Variants in ROBO4 observed in about 807,000 individuals in gnomAD.
The protein encoded by ROBO4 is roundabout homolog 4.
Under a neutral mutation model 103.3 loss-of-function variants are expected in ROBO4, and 80 were observed. That is an observed-to-expected ratio of 0.77 (90% CI 0.65 to 0.93). The LOEUF is 0.93. ROBO4 is among the 40% of genes least tolerant of loss of function. ROBO4 has a pLI of 0.00. For synonymous variants in ROBO4, 504 were observed against 529.7 expected, an observed-to-expected ratio of 0.95 and a Z score of 0.67; for missense variants, 1,333 against 1,305.3, an observed-to-expected ratio of 1.02 and a Z score of -0.33.
At chr11:124,891,611 C>T (rs2135372813) in intron 11 of ROBO4, 49 bp from the exon 12 acceptor site, 2 of 1,614,210 alleles carry the variant, frequency 1.2e-6, no homozygotes, top group East Asian at 4.5e-5. Context: ...TCCTGCTTTC[C>T]ATCCCTGAGA....
At chr11:124,885,886 C>T (rs1350254927) in intron 16 of ROBO4, among the ~76,000 whole-genome samples, 1 of 152,078 alleles carries the variant, frequency 6.6e-6, no homozygotes, top group African/African-American at 2.4e-5. Flanking sequence ...CAGTTGGCTG[C>T]CTTTAGAACT....
At chr11:124,887,889 AC>A in intron 12 of ROBO4, 49 bp from the exon 13 acceptor site, 2 of 1,465,590 alleles carry the variant, frequency 1.4e-6, no homozygotes, top group Non-Finnish European at 1.9e-6. Context: ...GACTTTTCAG[AC>A]CCCAGCTGCT....
At position 124,887,394 on chromosome 11, in the gene ROBO4, G is replaced by A. The variant is rs775011073; in HGVS notation, c.2162C>T (p.Pro721Leu). 9 of 1,613,938 alleles carry A rather than the reference G, an allele frequency of 5.6e-6. No individual in the cohort carries two copies. In the African/African-American group the frequency reaches 1.1e-4, roughly 19 times the overall value. The change falls in exon 14 of 18, where the codon CCT becomes CTT. Residue 721 changes from proline (P) to leucine (L), a missense_variant. Coordinates refer to ENST00000306534, the MANE Select transcript of ROBO4 (RefSeq NM_019055.6). ...TRHLPPAPLF[P>L]HETPPTQSQQ... ...ACTCTGAGTTGGGGGAGTTTCATGA[G>A]GAAAGAGGGGTGCTGGAGGGAGATG... is the stretch of plus-strand genomic sequence containing the variant.
chr11:124,891,978 A>C (rs1448257331), intron 10 of ROBO4, 176 bp from the exon 11 acceptor site: 1 of 780,044 alleles, frequency 1.3e-6, no homozygotes, highest in East Asian at 2.7e-5. Context: ...TGGTCCCCTA[A>C]ACCCAGCACC....
At position 124,886,539 on chromosome 11, in the gene ROBO4, C is replaced by T; in HGVS notation, c.2719G>A (p.Ala907Thr). The T allele has an allele frequency of 6.2e-7, 1 of 1,614,204 alleles. No homozygotes were observed. Among genetic ancestry groups the T allele is most frequent in the Non-Finnish European group, 8.5e-7 (1 of 1,180,040 alleles). The change falls in exon 16 of 18, where the codon GCC becomes ACC. Residue 907 changes from alanine (A) to threonine (T), a missense_variant. Transcript: ENST00000306534. ...TCCACAGCCACTGCCAGGGCCCGGG[C>T]AAAGTGAGCATCAGCGAGGAAGGAG... The part of the protein sequence containing the change: ...DGSFLADAHF[A>T]RALAVAVDSF...
intron 12 of ROBO4, 56 bp downstream of exon 12, chr11:124,891,243 C>T: frequency 1.3e-6 from 2 of 1,495,346 alleles, no homozygotes; most frequent in Non-Finnish European, 1.8e-6. Context: ...ATCACATTCC[C>T]ATTCCTGGGC....
At chr11:124,896,693 C>T in intron 2 of ROBO4, 23 bp from the exon 3 acceptor site, 3 of 1,611,692 alleles carry the variant, frequency 1.9e-6, no homozygotes, top group Non-Finnish European at 2.5e-6. Flanking sequence ...TGGAAGGTGA[C>T]ACGGAGCAGG....
intron 10 of ROBO4, chr11:124,892,406 G>T (rs1946814237): frequency 1.7e-5 from 4 of 235,334 alleles, no homozygotes; most frequent in Non-Finnish European, 3.4e-5. Context: ...TAGAGCCCAG[G>T]TACCTAGCAT....
chr11:124,888,615 A>G (rs1946753571), intron 12 of ROBO4, among the ~76,000 whole-genome samples: 2 of 152,268 alleles, frequency 1.3e-5, no homozygotes, highest in African/African-American at 4.8e-5. Flanking sequence ...AAATGTGGAT[A>G]TAAACACACA....
At position 124,886,455 on chromosome 11, in the gene ROBO4, C is replaced by G. The variant is rs376012112; in HGVS notation, c.2794+9G>C. On this transcript the variant is annotated intron_variant, in intron 16 of 17. Transcript: ENST00000306534. ...TGAGTGAGGAGTAAGATGGGGAGAC[C>G]TCACATACCTATGAAGACGCAGTCT... 1 of 1,604,134 alleles carries G rather than the reference C, an allele frequency of 6.2e-7. No individual in the cohort carries two copies. Among genetic ancestry groups the G allele is most frequent in the Non-Finnish European group, 8.5e-7 (1 of 1,172,098 alleles).
At chr11:124,887,520 T>G (rs764352834) in intron 13 of ROBO4, 21 bp from the exon 14 acceptor site, 2 of 1,612,964 alleles carry the variant, frequency 1.2e-6, no homozygotes, top group Non-Finnish European at 1.7e-6. Flanking sequence ...GAAGCCTGGG[T>G]GTGAGAACAG....
rs752436679 is a variant in ROBO4, at chr11:124,884,727, C to A, written c.*164G>T. 2 of 799,086 alleles carry A rather than the reference C, an allele frequency of 2.5e-6. No individual in the cohort carries two copies. Among genetic ancestry groups the A allele is most frequent in the Non-Finnish European group, 4.2e-6 (2 of 479,530 alleles). The allele number at this position is 799,086 out of a possible 1,614,324, so 49.5% of individuals were successfully genotyped here. A position where few individuals can be genotyped will look rare whatever the true frequency, so the allele number is the denominator to read the frequency against. ...GTCAGCTTTGCTCTAATTTTGTTTT[C>A]ATTTGTTTTCACAATCGTGGAGGGA... On this transcript the variant is annotated 3_prime_UTR_variant, in exon 18 of 18. Transcript: ENST00000306534.
In ROBO4 at chr11:124,897,138, C is replaced by G. The variant is rs1283483071; in HGVS notation, c.194G>C (p.Trp65Ser). ...GCTCAGGGGCTGCCCATTCAGCAACCAGCGGATGGTGGGAGGTGGCTGGCC... is the reference window on the plus strand; with the variant it reads ...GCTCAGGGGCTGCCCATTCAGCAACGAGCGGATGGTGGGAGGTGGCTGGCC... The part of the protein sequence containing the change: ...ASGQPPPTIR[W>S]LLNGQPLSMV... Residue 65 changes from tryptophan (W) to serine (S), a missense_variant, in exon 2 of 18, where the codon TGG (tryptophan) becomes TCG (serine). By Grantham distance (177) the Trp-to-Ser change is radical. Transcript: ENST00000306534. 1.9e-6 allele frequency: 3 copies of G among 1,568,420 alleles called. No individual in the cohort carries two copies. The highest frequency in any genetic ancestry group is 2.6e-6 in the Non-Finnish European group (3 of 1,154,734).
At chr11:124,891,152 G>C (rs1482152619) in intron 12 of ROBO4, 147 bp downstream of exon 12, 3 of 927,786 alleles carry the variant, frequency 3.2e-6, no homozygotes, top group South Asian at 2.9e-5. Context: ...AGGAGAAAGA[G>C]GTCTTGTGTC....
At chr11:124,894,940 T>C (rs1342723401) in intron 7 of ROBO4, 141 bp downstream of exon 7, 1 of 679,316 alleles carries the variant, frequency 1.5e-6, no homozygotes, top group Non-Finnish European at 2.6e-6. Flanking sequence ...AGCCAGTGGG[T>C]CCTTGCTCAG....
chr11:124,888,759 T>A (rs561325429), intron 12 of ROBO4, among the ~76,000 whole-genome samples: 2 of 152,326 alleles, frequency 1.3e-5, no homozygotes, highest in African/African-American at 4.8e-5. Flanking sequence ...TGCAATGACC[T>A]GTGAGCATGC....
chr11:124,896,209 A>G lies in ROBO4; in HGVS notation c.668T>C (p.Val223Ala). ...AGHRESRAAR[V>A]SIQEPQDYTE... Reference sequence around the variant, plus strand: ...ACCCCTGCCCTTACCCTGGATGGAAACCCGGGCTGCGCGGCTCTCCCTATG... The same window carrying G: ...ACCCCTGCCCTTACCCTGGATGGAAGCCCGGGCTGCGCGGCTCTCCCTATG... The change falls in exon 4 of 18, where the codon GTT (valine) becomes GCT (alanine). Residue 223 changes from valine to alanine, a missense_variant. By Grantham distance (64) the Val-to-Ala change is moderately conservative (BLOSUM62 0). Coordinates refer to ENST00000306534, the MANE Select transcript of ROBO4 (RefSeq NM_019055.6). 1 of 1,613,778 alleles carries G rather than the reference A, an allele frequency of 6.2e-7. No individual in the cohort carries two copies.
chr11:124,891,347 G>C lies in ROBO4; in HGVS notation c.1900C>G (p.Arg634Gly). Residue 634 changes from arginine to glycine, a missense_variant, in exon 12 of 18, where the codon CGC becomes GGC. Coordinates refer to ENST00000306534, the MANE Select transcript of ROBO4 (RefSeq NM_019055.6). The stretch of plus-strand genomic sequence containing the variant: ...GCCTCTGCAGGGGCCAGAGACAAGC[G>C]GGGAGAAGAGAGTCCCCTGCGGCTG... ...LCSRRGLSSP[R>G]LSLAPAEAWK... is the part of the protein sequence containing the mutation. 1.3e-6 allele frequency: 2 copies of C among 1,535,624 alleles called. No homozygotes were observed. The highest frequency in any genetic ancestry group is 8.8e-7 in the Non-Finnish European group (1 of 1,142,798).
In ROBO4 at chr11:124,885,264, A is replaced by G; in HGVS notation, c.2795-17T>C. The G allele has an allele frequency of 1.2e-6, 2 of 1,602,072 alleles. No individual in the cohort carries two copies. Among genetic ancestry groups the G allele is most frequent in the Non-Finnish European group, 1.7e-6 (2 of 1,177,004 alleles). Reference sequence around the variant, plus strand: ...ATGAGGCATCTGTCAGGGAGGGTAGAGGTGTCTGTGGGAGGTTGACCTTCA... The same window carrying G: ...ATGAGGCATCTGTCAGGGAGGGTAGGGGTGTCTGTGGGAGGTTGACCTTCA... On this transcript the variant is annotated splice_polypyrimidine_tract_variant and intron_variant, in intron 16 of 17. Transcript: ENST00000306534.
Sources: allele counts gnomAD v4.1 joint callset (sites outside exome capture counted in the v4.1 genomes callset), GRCh38; gene constraint gnomAD v4.1.1; transcripts MANE v1.5; gene names NCBI Gene and HGNC (gene_info 2026-07-23, HGNC 2026-07-21).